Variants in KIRREL3 observed in about 807,000 individuals in gnomAD.
KIRREL3 encodes the protein kin of IRRE-like protein 3.
KIRREL3 carries 36 observed loss-of-function variants against 89.7 expected under a neutral mutation model. The observed-to-expected ratio is 0.40, with a 90% confidence interval of 0.31 to 0.53. KIRREL3 has a LOEUF of 0.53. Ranked by LOEUF, KIRREL3 falls within the 20% of genes least tolerant of loss-of-function variation. The pLI is 0.49. For synonymous variants in KIRREL3, 445 were observed against 441.4 expected, an observed-to-expected ratio of 1.01 and a Z score of -0.10; for missense variants, 864 against 1,056.6, an observed-to-expected ratio of 0.82 and a Z score of 2.53.
intron 1 of KIRREL3, among the ~76,000 whole-genome samples, chr11:126,595,149 TTC>T (rs1373829856): frequency 6.6e-6 from 1 of 152,258 alleles, no homozygotes; most frequent in Non-Finnish European, 1.5e-5. Context: ...CGGCCTTCTT[TTC>T]TCTTTCCAAG....
At chr11:126,473,285 C>T in intron 5 of KIRREL3, 24 bp downstream of exon 5, 7 of 1,221,682 alleles carry the variant, frequency 5.7e-6, no homozygotes, top group Non-Finnish European at 7.6e-6. Flanking sequence ...CGTCCACACC[C>T]ACCCCCTCCC....
chr11:126,750,554 G>C lies in KIRREL3; in HGVS notation c.56-187642C>G, dbSNP rs140899555. On this transcript the variant is annotated intron_variant, in intron 1 of 16. Transcript: ENST00000525144. This position sits in a 1 kb window ranked among gnomAD's most constrained non-coding sequence, Gnocchi z 4.2. ...TCTTAGGGCAACTGGGCTGGGCCAG[G>C]GTCACTAGCCTGAGCTGTGGCTAGT... Among the ~76,000 whole-genome samples, 261 of 152,266 alleles carry C rather than the reference G, an allele frequency of 1.7e-3. 2 individuals carry two copies. The highest frequency in any genetic ancestry group is 6.0e-3 in the African/African-American group (248 of 41,548).
intron 1 of KIRREL3, among the ~76,000 whole-genome samples, chr11:126,923,085 ATCT>A (rs1310357745): frequency 1.8e-4 from 22 of 122,300 alleles, no homozygotes; most frequent in African/African-American, 7.3e-4. Context: ...TGCCTTGTGG[ATCT>A]TCTTCTTCTT....
chr11:126,446,304 C>T lies in KIRREL3; in HGVS notation c.1125+455G>A, dbSNP rs75084055. On this transcript the variant is annotated intron_variant, in intron 9 of 16. Coordinates refer to ENST00000525144, the MANE Select transcript of KIRREL3 (RefSeq NM_032531.4). Reference sequence around the variant, plus strand: ...CTTTCTCCTTTCTTTCTTTCTTTCTCTCTCTCTCTTCCTTTCTTCCTTTCT... The same window carrying T: ...CTTTCTCCTTTCTTTCTTTCTTTCTTTCTCTCTCTTCCTTTCTTCCTTTCT... Among the ~76,000 whole-genome samples the T allele has an allele frequency of 9.6e-5, 11 of 115,020 alleles. No individual in the cohort carries two copies. The South Asian group carries it at 9.9e-4, about 10-fold the overall frequency. The allele number at this position is 115,020 out of a possible 152,430, so 75.5% of individuals were successfully genotyped here.
At position 126,769,276 on chromosome 11, in the gene KIRREL3, A is replaced by G. The variant is rs959128246; in HGVS notation, c.56-206364T>C. On this transcript the variant is annotated intron_variant, in intron 1 of 16. Coordinates refer to ENST00000525144, the MANE Select transcript of KIRREL3 (RefSeq NM_032531.4). This position sits in a 1 kb window ranked among gnomAD's most constrained non-coding sequence, Gnocchi z 4.3. The stretch of plus-strand genomic sequence containing the variant: ...TCCTCCCTAGCGAGTAGCCTGCAAC[A>G]TGGTAGGGGCTTAATAGATTTGATA... Among the ~76,000 whole-genome samples, 6 of 152,114 alleles carry G rather than the reference A, an allele frequency of 3.9e-5. No homozygotes were observed. Among genetic ancestry groups the G allele is most frequent in the African/African-American group, 1.4e-4 (6 of 41,434 alleles).
At chr11:126,589,670 C>T (rs1345876641) in intron 1 of KIRREL3, among the ~76,000 whole-genome samples, 5 of 152,176 alleles carry the variant, frequency 3.3e-5, no homozygotes, top group South Asian at 4.1e-4. Flanking sequence ...CACATCTCGT[C>T]GCTCTGGCAC....
intron 5 of KIRREL3, among the ~76,000 whole-genome samples, chr11:126,473,078 T>C (rs55638374): frequency 4.4e-5 from 2 of 45,864 alleles, no homozygotes; most frequent in Non-Finnish European, 9.5e-5. Flanking sequence ...ACCATCCTCT[T>C]CTCTACCTAA....
chr11:126,924,465 G>A lies in KIRREL3; in HGVS notation c.55+75990C>T, dbSNP rs540271337. On this transcript the variant is annotated intron_variant, in intron 1 of 16. Transcript: ENST00000525144. This position sits in a 1 kb window ranked among gnomAD's most constrained non-coding sequence, Gnocchi z 4.7. ...AAATAAAGAGGATTTCCAGGCACACGGGAAGTCTAACACCCATTAATCCTG... is the reference window on the plus strand; with the variant it reads ...AAATAAAGAGGATTTCCAGGCACACAGGAAGTCTAACACCCATTAATCCTG... 7.9e-5 allele frequency among the ~76,000 whole-genome samples: 12 copies of A among 152,226 alleles called. No homozygotes were observed. Among genetic ancestry groups the A allele is most frequent in the Admixed American group, 2.0e-4 (3 of 15,290 alleles).
chr11:126,511,493 A>G (rs1176415850), intron 4 of KIRREL3, among the ~76,000 whole-genome samples: 1 of 152,164 alleles, frequency 6.6e-6, no homozygotes, highest in Non-Finnish European at 1.5e-5. Flanking sequence ...GCAGCAATGC[A>G]TCTTTCCTCT....
intron 4 of KIRREL3, among the ~76,000 whole-genome samples, chr11:126,517,008 C>T (rs1025526557): frequency 6.6e-5 from 10 of 152,170 alleles, no homozygotes; most frequent in Middle Eastern, 3.4e-3. Context: ...GCGGAGGTTG[C>T]GGTGAGCTGA....
intron 1 of KIRREL3, among the ~76,000 whole-genome samples, chr11:126,695,406 CAAAAAAAAAAAAAAAAA>C (rs36034228): frequency 1.6e-5 from 1 of 64,350 alleles, no homozygotes; most frequent in African/African-American, 6.0e-5. Flanking sequence ...TTAGCTTTAC[CAAAAAAAAAAAAAAAAA>C]AAAAAAAAGA....
At chr11:126,850,366 G>T in intron 1 of KIRREL3, among the ~76,000 whole-genome samples, 1 of 152,168 alleles carries the variant, frequency 6.6e-6, no homozygotes, top group East Asian at 1.9e-4. Flanking sequence ...GGAGAGGCTT[G>T]CCCTCAGACA....
intron 1 of KIRREL3, among the ~76,000 whole-genome samples, chr11:126,933,628 T>C (rs1196993931): frequency 6.6e-6 from 1 of 151,870 alleles, no homozygotes; most frequent in Non-Finnish European, 1.5e-5. Context: ...ATACACAAAA[T>C]TAATTTGGTT....
rs1007131400 is a variant in KIRREL3, at chr11:126,605,772, G to T, written c.56-42860C>A. ...GGGAATGGGGTGGGGAAAGCATGGG[G>T]CATATGGGTAGAGAGTGAGGTCTGG... is the stretch of plus-strand genomic sequence containing the variant. On this transcript the variant is annotated intron_variant, in intron 1 of 16. Coordinates refer to ENST00000525144, the MANE Select transcript of KIRREL3 (RefSeq NM_032531.4). This position sits in a 1 kb window ranked among gnomAD's most constrained non-coding sequence, Gnocchi z 5.7. Among the ~76,000 whole-genome samples, 3 of 152,220 alleles carry T rather than the reference G, an allele frequency of 2.0e-5. No homozygotes were observed. The South Asian group carries it at 6.2e-4, about 32-fold the overall frequency.
chr11:126,887,087 G>A (rs1945725498), intron 1 of KIRREL3, among the ~76,000 whole-genome samples: 2 of 152,140 alleles, frequency 1.3e-5, no homozygotes, highest in South Asian at 4.2e-4. Context: ...TTCAGGAAAA[G>A]CACAGGGGGA....
In KIRREL3 at chr11:126,747,891, C is replaced by T. The variant is rs1032306736; in HGVS notation, c.56-184979G>A. On this transcript the variant is annotated intron_variant, in intron 1 of 16. Transcript: ENST00000525144. The surrounding 1 kb of genome is among the most constrained non-coding windows in gnomAD (Gnocchi z 4.7). ...ACCTCAGGTCAACTGGAAGACTCCC[C>T]TCCAGACAGGCGTTGCGGTCTTTCC... Among the ~76,000 whole-genome samples, 3 of 152,080 alleles carry T rather than the reference C, an allele frequency of 2.0e-5. No homozygotes were observed. Among genetic ancestry groups the T allele is most frequent in the African/African-American group, 7.2e-5 (3 of 41,414 alleles).
intron 1 of KIRREL3, among the ~76,000 whole-genome samples, chr11:126,582,659 T>A (rs1941615484): frequency 6.6e-6 from 1 of 152,088 alleles, no homozygotes; most frequent in African/African-American, 2.4e-5. Context: ...CTTCTGCAGG[T>A]CTAAAGCCCC....
intron 1 of KIRREL3, among the ~76,000 whole-genome samples, chr11:126,975,906 TCCTCCCTCCCTTCCTC>T (rs1949555884): frequency 1.8e-5 from 1 of 56,336 alleles, no homozygotes; most frequent in African/African-American, 7.1e-5. Flanking sequence ...CTCCCTCCCT[TCCTCCCTCCCTTCCTC>T]CCTCCCTCCC....
At chr11:126,478,047 G>A (rs1957114774) in intron 4 of KIRREL3, among the ~76,000 whole-genome samples, 1 of 152,216 alleles carries the variant, frequency 6.6e-6, no homozygotes, top group Admixed American at 6.5e-5. Context: ...AGCACTTACG[G>A]CCCTCGCTGC....
Sources: allele counts gnomAD v4.1 joint callset (sites outside exome capture counted in the v4.1 genomes callset), GRCh38; gene constraint gnomAD v4.1.1; non-coding constraint Gnocchi (gnomAD v3.1); transcripts MANE v1.5; gene names NCBI Gene and HGNC (gene_info 2026-07-23, HGNC 2026-07-21).